Variants in DLGAP2 observed in about 807,000 individuals in gnomAD.
The protein encoded by DLGAP2 is disks large-associated protein 2.
In DLGAP2, 26 loss-of-function variants were observed where a neutral mutation model predicts 100.3. The observed-to-expected ratio is 0.26, with a 90% CI of 0.19 to 0.36. The LOEUF is 0.36. Among genes scored for constraint, DLGAP2 ranks in the 10% least tolerant of loss-of-function variants. The pLI, the probability that DLGAP2 is intolerant of heterozygous loss-of-function variation, is 1.00. For synonymous variants in DLGAP2, 886 were observed against 630.1 expected, an observed-to-expected ratio of 1.41 and a Z score of -6.08; for missense variants, 1,858 against 1,453.2, an observed-to-expected ratio of 1.28 and a Z score of -4.53.
At chr8:1,185,080 C>T (rs569919686) in intron 2 of DLGAP2, among the ~76,000 whole-genome samples, 3 of 152,236 alleles carry the variant, frequency 2.0e-5, no homozygotes, top group African/African-American at 4.8e-5. Flanking sequence ...GAGGGTTCTG[C>T]GTCTTGCGGC....
chr8:1,150,600 A>T (rs1796681460), intron 2 of DLGAP2, among the ~76,000 whole-genome samples: 1 of 152,228 alleles, frequency 6.6e-6, no homozygotes, highest in Admixed American at 6.5e-5. Flanking sequence ...GGCTTCTAGA[A>T]AATCCAAGGA....
At chr8:1,623,338 C>T (rs1241962082) in intron 6 of DLGAP2, among the ~76,000 whole-genome samples, 1 of 152,082 alleles carries the variant, frequency 6.6e-6, no homozygotes, top group Admixed American at 6.5e-5. Context: ...GACCTGGCAC[C>T]AGTGTGTGAA....
intron 3 of DLGAP2, among the ~76,000 whole-genome samples, chr8:1,267,333 G>A (rs1167008981): frequency 1.4e-4 from 21 of 151,408 alleles, no homozygotes; most frequent in East Asian, 3.9e-4. Flanking sequence ...TTGGGAGGCC[G>A]AGGCGGTGGA....
intron 2 of DLGAP2, among the ~76,000 whole-genome samples, chr8:971,448 T>C (rs1283939772): frequency 6.6e-6 from 1 of 152,156 alleles, no homozygotes; most frequent in Non-Finnish European, 1.5e-5. Flanking sequence ...AACCAGCAGA[T>C]GGATGCAGGA....
chr8:1,244,803 T>C (rs1159343509), intron 2 of DLGAP2, among the ~76,000 whole-genome samples: 8 of 152,178 alleles, frequency 5.3e-5, no homozygotes, highest in Admixed American at 3.9e-4. Context: ...AATAAAGTTT[T>C]TGTGTGTTTC....
intron 3 of DLGAP2, among the ~76,000 whole-genome samples, chr8:1,449,131 T>C (rs1196668528): frequency 6.6e-6 from 1 of 152,152 alleles, no homozygotes; most frequent in Non-Finnish European, 1.5e-5. Context: ...CCTGTTCTCT[T>C]TCCTCTCATC....
At chr8:1,568,834 T>A (rs1480302805) in intron 6 of DLGAP2, among the ~76,000 whole-genome samples, 5 of 102,894 alleles carry the variant, frequency 4.9e-5, no homozygotes, top group Non-Finnish European at 5.8e-5. Flanking sequence ...CACAAATCCG[T>A]CTCTGCCTAT....
chr8:1,571,472 G>C (rs1189616116), intron 6 of DLGAP2, among the ~76,000 whole-genome samples: 1 of 147,120 alleles, frequency 6.8e-6, no homozygotes, highest in African/African-American at 2.5e-5. Flanking sequence ...TGAACTGTGG[G>C]GTGTCTGATG....
At chr8:818,268 T>G (rs1796522330) in intron 1 of DLGAP2, among the ~76,000 whole-genome samples, 1 of 152,094 alleles carries the variant, frequency 6.6e-6, no homozygotes, top group Non-Finnish European at 1.5e-5. Flanking sequence ...CACAGGTCGC[T>G]AGGGAAGTGG....
intron 3 of DLGAP2, chr8:1,368,907 C>T (rs1414783073): frequency 6.6e-6 from 1 of 152,174 alleles, no homozygotes; most frequent in Admixed American, 6.5e-5. Flanking sequence ...GTGGCGTCTT[C>T]CTGTAATACA....
At chr8:1,452,967 G>T (rs73672710) in intron 3 of DLGAP2, among the ~76,000 whole-genome samples, 1 of 152,344 alleles carries the variant, frequency 6.6e-6, no homozygotes, top group East Asian at 1.9e-4. Flanking sequence ...CGGGCGGCAG[G>T]TGTTATGGAT....
intron 2 of DLGAP2, among the ~76,000 whole-genome samples, chr8:1,210,261 G>A (rs1324843775): frequency 2.0e-5 from 3 of 152,168 alleles, no homozygotes; most frequent in African/African-American, 7.2e-5. Context: ...CTTAGGGCAG[G>A]GTGATGTTGG....
chr8:822,109 G>T, intron 1 of DLGAP2: 2 of 399,348 alleles, frequency 5.0e-6, no homozygotes, highest in Non-Finnish European at 8.8e-6. Context: ...CGCCATCCGA[G>T]GCTTGGCCCT....
intron 3 of DLGAP2, among the ~76,000 whole-genome samples, chr8:1,309,255 T>A (rs1010050728): frequency 6.6e-6 from 1 of 152,118 alleles, no homozygotes; most frequent in African/African-American, 2.4e-5. Context: ...CCAAGAAGCA[T>A]AATGAACTTC....
At chr8:788,874 G>A (rs1354811417) in intron 1 of DLGAP2, among the ~76,000 whole-genome samples, 1 of 152,160 alleles carries the variant, frequency 6.6e-6, no homozygotes, top group Non-Finnish European at 1.5e-5. Flanking sequence ...TCCACTGCTG[G>A]TGATGCAGCG....
At chr8:1,632,101 G>C (rs769628414) in intron 7 of DLGAP2, among the ~76,000 whole-genome samples, 4 of 151,586 alleles carry the variant, frequency 2.6e-5, no homozygotes, top group Non-Finnish European at 5.9e-5. Context: ...GGGGAGGAAG[G>C]ATGGAAGGGA....
At chr8:1,693,384 A>C (rs182185064) in intron 13 of DLGAP2, among the ~76,000 whole-genome samples, 3 of 151,462 alleles carry the variant, frequency 2.0e-5, no homozygotes, top group African/African-American at 7.3e-5. Flanking sequence ...GCCTACACAC[A>C]TACATGTATA....
intron 4 of DLGAP2, among the ~76,000 whole-genome samples, chr8:1,516,484 A>C (rs940978864): frequency 7.6e-5 from 11 of 145,158 alleles, no homozygotes; most frequent in Non-Finnish European, 1.6e-4. Context: ...ACTGAGTGAA[A>C]GAGTACATGA....
intron 2 of DLGAP2, among the ~76,000 whole-genome samples, chr8:1,146,310 T>C (rs1242630705): frequency 6.6e-6 from 1 of 152,216 alleles, no homozygotes; most frequent in African/African-American, 2.4e-5. Context: ...TGGAGTCCCG[T>C]GCTCATTTTC....
Sources: allele counts gnomAD v4.1 joint callset (sites outside exome capture counted in the v4.1 genomes callset), GRCh38; gene constraint gnomAD v4.1.1; transcripts MANE v1.5; gene names NCBI Gene and HGNC (gene_info 2026-07-23, HGNC 2026-07-21).